Variants in RNPEPL1 observed in about 807,000 individuals in gnomAD.
The protein encoded by RNPEPL1 is arginyl aminopeptidase like 1.
A neutral mutation model predicts 69.0 loss-of-function variants in RNPEPL1; 46 were observed. The ratio of observed to expected loss-of-function variants is 0.67; its 90% CI spans 0.53 to 0.85. The LOEUF is 0.85. Among genes scored for constraint, RNPEPL1 ranks in the 40% least tolerant of loss-of-function variants. RNPEPL1 has a pLI of 0.00. For missense variants in RNPEPL1, 869 were observed against 992.5 expected (o/e 0.88, Z 1.67); for synonymous variants, 525 against 454.1 (o/e 1.16, Z -1.98).
Position 240,574,529 on chromosome 2 carries a change from T to C in RNPEPL1, c.1189T>C (p.Cys397Arg). The C allele has an allele frequency of 6.2e-7, 1 of 1,611,792 alleles. No homozygotes were observed. The highest frequency in any genetic ancestry group is 8.5e-7 in the Non-Finnish European group (1 of 1,179,596). ...ACCCCATCCAGGTGCTGCCTTCACC[T>C]GCCTGGAGACTGCCTTCCGCCTGGA... ...TTETYGAAFTCLETAFRLDAL... is the reference protein window; with the variant it reads ...TTETYGAAFTRLETAFRLDAL... Residue 397 changes from cysteine (C) to arginine (R), a missense_variant, in exon 6 of 11, where the codon TGC becomes CGC. Physicochemically the swap from Cys to Arg is radical, Grantham distance 180. Coordinates refer to ENST00000270357, the MANE Select transcript of RNPEPL1 (RefSeq NM_018226.6).
At chr2:240,570,799 G>A (rs1166670909) in intron 1 of RNPEPL1, among the ~76,000 whole-genome samples, 1 of 152,190 alleles carries the variant, frequency 6.6e-6, no homozygotes, top group Non-Finnish European at 1.5e-5. Context: ...ACGGGGATTG[G>A]TGCCCCATCT....
chr2:240,569,027 C>T lies in RNPEPL1; in HGVS notation c.441C>T (p.Ser147=), dbSNP rs2093013398. 2 of 1,511,140 alleles carry T rather than the reference C, an allele frequency of 1.3e-6. No individual in the cohort carries two copies. Among genetic ancestry groups the T allele is most frequent in the South Asian group, 1.2e-5 (1 of 82,310 alleles). The allele number at this position is 1,511,140 out of a possible 1,614,324, so 93.6% of individuals were successfully genotyped here. A position where few individuals can be genotyped will look rare whatever the true frequency, so the allele number is the denominator to read the frequency against. ...TGGACCCGTTCACCGACTACGGCTC[C>T]TCGCTCACCGTCACGCTGCCGCCCG... ...FRVDPFTDYG[S]SLTVTLPPEL... Residue 147 remains serine (S), a synonymous_variant, in exon 1 of 11, where the codon TCC becomes TCT. Coordinates refer to ENST00000270357, the MANE Select transcript of RNPEPL1 (RefSeq NM_018226.6).
At chr2:240,574,489 C>T (rs1414557957) in intron 5 of RNPEPL1, 26 bp from the exon 6 acceptor site, 2 of 1,594,186 alleles carry the variant, frequency 1.3e-6, no homozygotes, top group South Asian at 1.1e-5. Context: ...CCCCTCACCT[C>T]TCCTCTGTCT....
In RNPEPL1 at chr2:240,568,730, G is replaced by A. The variant is rs904797640; in HGVS notation, c.144G>A (p.Leu48=). 3 of 1,070,526 alleles carry A rather than the reference G, an allele frequency of 2.8e-6. No homozygotes were observed. The highest frequency in any genetic ancestry group is 1.7e-5 in the African/African-American group (1 of 58,124). The allele number at this position is 1,070,526 out of a possible 1,614,324, so 66.3% of individuals were successfully genotyped here. A position where few individuals can be genotyped will look rare whatever the true frequency, so the allele number is the denominator to read the frequency against. The change falls in exon 1 of 11, where the codon CTG becomes CTA. Residue 48 remains leucine, a synonymous_variant. Coordinates refer to ENST00000270357, the MANE Select transcript of RNPEPL1 (RefSeq NM_018226.6). This position sits in a 1 kb window ranked among gnomAD's most constrained non-coding sequence, Gnocchi z 6.2. The part of the protein sequence containing the change: ...LFRLRHLQLG[L]ELRPEARELA... Reference sequence around the variant, plus strand: ...GCCTCCGCCACCTGCAGCTGGGCCTGGAGCTGCGGCCCGAGGCGCGCGAGT... The same window carrying A: ...GCCTCCGCCACCTGCAGCTGGGCCTAGAGCTGCGGCCCGAGGCGCGCGAGT...
chr2:240,575,481 G>T (rs2093034931), intron 7 of RNPEPL1, 21 bp from the exon 8 acceptor site: 2 of 1,604,970 alleles, frequency 1.2e-6, no homozygotes, highest in African/African-American at 1.3e-5. Flanking sequence ...GGCCTGCTGA[G>T]GCCCCACCTC....
chr2:240,568,619 C>G lies in RNPEPL1; in HGVS notation c.33C>G (p.Pro11=). ...CGCAGTGCTGCTGCCGCCAGGCGCC[C>G]GGCGCCGAGGCCGCGCCCGTCCGCC... MAAQCCCRQA[P]GAEAAPVRPP... Residue 11 remains proline, a synonymous_variant, in exon 1 of 11, where the codon CCC becomes CCG. Transcript: ENST00000270357. This position sits in a 1 kb window ranked among gnomAD's most constrained non-coding sequence, Gnocchi z 6.2. 1.0e-6 allele frequency: 1 copy of G among 994,116 alleles called. No individual in the cohort carries two copies. The highest frequency in any genetic ancestry group is 1.2e-6 in the Non-Finnish European group (1 of 838,604). The allele number at this position is 994,116 out of a possible 1,614,324, so 61.6% of individuals were successfully genotyped here.
Position 240,568,647 on chromosome 2 carries a change from C to A in RNPEPL1, c.61C>A (p.Pro21Thr). 9.9e-7 allele frequency: 1 copy of A among 1,008,162 alleles called. No individual in the cohort carries two copies. The highest frequency in any genetic ancestry group is 1.8e-5 in the African/African-American group (1 of 56,636). 62.5% of individuals were successfully genotyped at this position (1,008,162 alleles called of 1,614,324 possible). A position where few individuals can be genotyped will look rare whatever the true frequency, so the allele number is the denominator to read the frequency against. ...PGAEAAPVRP[P>T]PEPPPALDVA... ...CGCCGAGGCCGCGCCCGTCCGCCCG[C>A]CGCCCGAGCCGCCGCCCGCCCTGGA... Residue 21 changes from proline (P) to threonine (T), a missense_variant, in exon 1 of 11, where the codon CCG (proline) becomes ACG (threonine). By Grantham distance (38) the Pro-to-Thr change is conservative (BLOSUM62 -1). Coordinates refer to ENST00000270357, the MANE Select transcript of RNPEPL1 (RefSeq NM_018226.6). This position sits in a 1 kb window ranked among gnomAD's most constrained non-coding sequence, Gnocchi z 6.2.
chr2:240,571,163 G>A (rs2093020336), intron 1 of RNPEPL1, among the ~76,000 whole-genome samples: 2 of 152,184 alleles, frequency 1.3e-5, no homozygotes, highest in Non-Finnish European at 2.9e-5. Flanking sequence ...TGGCAGCCCA[G>A]GGCTCAGCAG....
chr2:240,577,746 G>C lies in RNPEPL1; in HGVS notation c.2032G>C (p.Gly678Arg), dbSNP rs763193454. 1.2e-6 allele frequency: 2 copies of C among 1,612,456 alleles called. No individual in the cohort carries two copies. Among genetic ancestry groups the C allele is most frequent in the Non-Finnish European group, 1.7e-6 (2 of 1,179,720 alleles). Residue 678 changes from glycine to arginine, a missense_variant, in exon 11 of 11, where the codon GGC becomes CGC. Around this residue, in one of 2 missense-constraint regions of RNPEPL1, gnomAD observed 610 missense variants for 790.9 expected, o/e 0.77. Transcript: ENST00000270357. ...CCAGCAGATCCTGTCCCAGGGCCTG[G>C]GCTCCAGCACAGAGCCCGCCTCAGA... ...AIQQILSQGL[G>R]SSTEPASEPS...
At chr2:240,577,038 G>A (rs374988542) in intron 10 of RNPEPL1, 48 bp downstream of exon 10, 30 of 1,605,526 alleles carry the variant, frequency 1.9e-5, no homozygotes, top group Admixed American at 1.7e-4. Context: ...CTAGCCGTGC[G>A]GACTGGGAGT....
At position 240,573,810 on chromosome 2, in the gene RNPEPL1, C is replaced by T. The variant is rs369256190; in HGVS notation, c.857C>T (p.Thr286Met). 1.4e-4 allele frequency: 216 copies of T among 1,549,378 alleles called. No homozygotes were observed. The highest frequency in any genetic ancestry group is 1.7e-4 in the Non-Finnish European group (193 of 1,146,484). Residue 286 changes from threonine (T) to methionine (M), a missense_variant, in exon 4 of 11, where the codon ACG (threonine) becomes ATG (methionine). Thr to Met is a moderately conservative substitution (Grantham distance 81, BLOSUM62 -1). Coordinates refer to ENST00000270357, the MANE Select transcript of RNPEPL1 (RefSeq NM_018226.6). ...TGGGCCGAGCCATGCCTCCTGCCCA[C>T]GGCCACCAGCAAGCTGTCGGGCGCA... ...RVWAEPCLLP[T>M]ATSKLSGAVE...
chr2:240,572,539 G>A lies in RNPEPL1; in HGVS notation c.645G>A (p.Lys215=), dbSNP rs1227854876. The A allele has an allele frequency of 1.3e-6, 2 of 1,536,248 alleles. No individual in the cohort carries two copies. The highest frequency in any genetic ancestry group is 2.4e-5 in the South Asian group (2 of 84,072). ...FFPCFDTPAV[K]CTYSAVVKAP... is the part of the protein sequence containing the mutation. ...CGTGCTTCGACACACCTGCCGTGAA[G>A]TGCACCTACTCTGCCGTCGTCAAGG... The change falls in exon 2 of 11, where the codon AAG becomes AAA. Residue 215 remains lysine (K), a synonymous_variant. Transcript: ENST00000270357.
chr2:240,575,322 C>A, intron 7 of RNPEPL1, 180 bp downstream of exon 7: 1 of 731,988 alleles, frequency 1.4e-6, no homozygotes, highest in Non-Finnish European at 2.3e-6. Context: ...CCCCTTCTGC[C>A]ACCCTGTTTG....
At chr2:240,569,630 A>ACC (rs1173891797) in intron 1 of RNPEPL1, among the ~76,000 whole-genome samples, 1 of 152,214 alleles carries the variant, frequency 6.6e-6, no homozygotes, top group African/African-American at 2.4e-5. Flanking sequence ...CACACTGGGT[A>ACC]CCCACCACTC....
rs1218995186 is a variant in RNPEPL1, at chr2:240,576,744, G to T, written c.1720G>T (p.Asp574Tyr). 1 of 1,612,876 alleles carries T rather than the reference G, an allele frequency of 6.2e-7. No homozygotes were observed. The highest frequency in any genetic ancestry group is 1.7e-5 in the Admixed American group (1 of 60,030). ...AGCACTCTTCCTGGACCGGCTCCTG[G>T]ATGGGTCCCCGCTGCCGCAGGGTGA... ...QTALFLDRLLDGSPLPQEVVM... is the reference protein window; with the variant it reads ...QTALFLDRLLYGSPLPQEVVM... Residue 574 changes from aspartate to tyrosine, a missense_variant, in exon 9 of 11, where the codon GAT (aspartate) becomes TAT (tyrosine). Physicochemically the swap from Asp to Tyr is radical, Grantham distance 160. Coordinates refer to ENST00000270357, the MANE Select transcript of RNPEPL1 (RefSeq NM_018226.6).
In RNPEPL1 at chr2:240,572,986, A is replaced by G. The variant is rs1221901297; in HGVS notation, c.670-124A>G. The G allele has an allele frequency of 4.3e-6, 5 of 1,161,380 alleles. No homozygotes were observed. The East Asian group carries it at 7.9e-5, about 18-fold the overall frequency. 71.9% of individuals were successfully genotyped at this position (1,161,380 alleles called of 1,614,324 possible). ...TTCGGAGAGAAGTTCTCTGACAGAA[A>G]CGTTCCCTGATGGGGATGTAGGGTT... On this transcript the variant is annotated intron_variant, in intron 2 of 10. Coordinates refer to ENST00000270357, the MANE Select transcript of RNPEPL1 (RefSeq NM_018226.6).
chr2:240,570,832 T>TG lies in RNPEPL1; in HGVS notation c.529-1586dup, dbSNP rs111545294. Among the ~76,000 whole-genome samples the TG allele has an allele frequency of 5.3e-5, 8 of 152,268 alleles. 1 individual carries two copies. The highest frequency in any genetic ancestry group is 1.9e-4 in the African/African-American group (8 of 41,570). Reference sequence around the variant, plus strand: ...TCTGTGGGGCAGGGCCTGTCCTGTCTGGGGGTCTGCCCCAGCCCCTCACTT... The same window carrying TG: ...TCTGTGGGGCAGGGCCTGTCCTGTCTGGGGGGTCTGCCCCAGCCCCTCACTT... On this transcript the variant is annotated intron_variant, in intron 1 of 10. Transcript: ENST00000270357.
chr2:240,576,820 C>T (rs377202559), intron 9 of RNPEPL1, 28 bp from the exon 10 acceptor site: 2 of 1,612,618 alleles, frequency 1.2e-6, no homozygotes, highest in African/African-American at 1.3e-5. Context: ...AACAGCGGCC[C>T]AGCCCTGACC....
chr2:240,575,589 C>T lies in RNPEPL1; in HGVS notation c.1489C>T (p.Gln497Ter). 6.2e-7 allele frequency: 1 copy of T among 1,613,268 alleles called. No individual in the cohort carries two copies. The change falls in exon 8 of 11, where the codon CAG (glutamine) becomes TAG (stop). Residue 497 changes from glutamine to a stop codon, truncating the protein, a stop_gained. Transcript: ENST00000270357. LOFTEE classifies it high-confidence loss of function. ...GAGCTTCTTCCCGGAGCTGAAGGAG[C>T]AGAGCGTGGACTGCCGGGCAGGTGA... ...FLSFFPELKE[Q>*]SVDCRAGLEF...
Sources: allele counts gnomAD v4.1 joint callset (sites outside exome capture counted in the v4.1 genomes callset), GRCh38; gene constraint gnomAD v4.1.1; regional missense constraint gnomAD v4.1.1; non-coding constraint Gnocchi (gnomAD v3.1); transcripts MANE v1.5; gene names NCBI Gene and HGNC (gene_info 2026-07-23, HGNC 2026-07-21).